Variants in TENM3 observed in about 807,000 individuals in gnomAD.
TENM3 encodes the protein teneurin-3.
Under a neutral mutation model 255.1 loss-of-function variants are expected in TENM3, and 63 were observed. The ratio of observed to expected loss-of-function variants is 0.25; its 90% confidence interval spans 0.20 to 0.30. The LOEUF (loss-of-function observed/expected upper bound fraction) is 0.30. Among genes scored for constraint, TENM3 ranks in the 10% least tolerant of loss-of-function variants. The pLI is 1.00. For missense variants in TENM3, 2,929 were observed against 3,461.1 expected, an observed-to-expected ratio of 0.85 and a Z score of 3.86; for synonymous variants, 1,306 against 1,322.3, an observed-to-expected ratio of 0.99 and a Z score of 0.27.
intron 1 of TENM3, among the ~76,000 whole-genome samples, chr4:182,199,893 G>T (rs1277195387): frequency 6.6e-6 from 1 of 151,738 alleles, no homozygotes; most frequent in Non-Finnish European, 1.5e-5. Context: ...CACCTGGCTA[G>T]TATTTGTACT....
chr4:182,359,677 G>T (rs1026831720), intron 3 of TENM3, among the ~76,000 whole-genome samples: 4 of 146,504 alleles, frequency 2.7e-5, no homozygotes, highest in African/African-American at 9.9e-5. Context: ...CCAGCTCCTG[G>T]ATTCATTAAT....
chr4:182,386,652 G>A (rs910249894), intron 3 of TENM3, among the ~76,000 whole-genome samples: 1 of 152,240 alleles, frequency 6.6e-6, no homozygotes, highest in East Asian at 1.9e-4. Flanking sequence ...CCCCGCACTC[G>A]GAGCTGCCGG....
intron 3 of TENM3, among the ~76,000 whole-genome samples, chr4:182,397,398 T>TAAAAA (rs144177808): frequency 0.024 from 1,182 of 48,940 alleles, 71 homozygotes; most frequent in East Asian, 0.079. Flanking sequence ...AGACTCCATC[T>TAAAAA]AAAAAAAAAA....
At chr4:182,310,811 A>G (rs958441489) in intron 1 of TENM3, among the ~76,000 whole-genome samples, 9 of 151,970 alleles carry the variant, frequency 5.9e-5, no homozygotes, top group African/African-American at 2.2e-4. Flanking sequence ...GGTTCAAGCG[A>G]TTCTCCTGCC....
At chr4:182,535,375 C>T (rs1740200038) in intron 3 of TENM3, among the ~76,000 whole-genome samples, 1 of 152,128 alleles carries the variant, frequency 6.6e-6, no homozygotes, top group Non-Finnish European at 1.5e-5. Flanking sequence ...CTCATAGACT[C>T]TGAGGCAAGG....
intron 3 of TENM3, among the ~76,000 whole-genome samples, chr4:182,525,914 T>G (rs1739113806): frequency 6.6e-6 from 1 of 152,230 alleles, no homozygotes; most frequent in Admixed American, 6.5e-5. Flanking sequence ...ATTTAGATTA[T>G]TTTCTGCAGT....
chr4:182,391,529 C>T (rs960278866), intron 3 of TENM3, among the ~76,000 whole-genome samples: 9 of 152,206 alleles, frequency 5.9e-5, no homozygotes, highest in South Asian at 2.1e-4. Context: ...GAAATGAGGA[C>T]GCAGCCATGT....
At chr4:182,600,077 G>GA (rs1747679654) in intron 3 of TENM3, among the ~76,000 whole-genome samples, 1 of 152,198 alleles carries the variant, frequency 6.6e-6, no homozygotes, top group Non-Finnish European at 1.5e-5. Context: ...CAGTATTTAT[G>GA]TTTTGAAGTT....
At chr4:182,042,018 A>G in the TENM3 span, among the ~76,000 whole-genome samples, 1 of 152,194 alleles carries the variant, frequency 6.6e-6, no homozygotes, top group Admixed American at 6.6e-5. Flanking sequence ...TTGACTAGAG[A>G]GAATTTTCTA....
At chr4:182,605,908 A>C (rs1250911000) in intron 4 of TENM3, among the ~76,000 whole-genome samples, 2 of 152,240 alleles carry the variant, frequency 1.3e-5, no homozygotes, top group African/African-American at 4.8e-5. Flanking sequence ...CCAGGCAAAG[A>C]GGGACGTGTG....
chr4:182,481,031 AAT>A (rs1734145866), intron 3 of TENM3, among the ~76,000 whole-genome samples: 1 of 147,226 alleles, frequency 6.8e-6, no homozygotes, highest in African/African-American at 2.5e-5. Flanking sequence ...TTTCTTTTTT[AAT>A]ATAATCCTCT....
upstream of TENM3, among the ~76,000 whole-genome samples, chr4:182,139,137 C>A (rs1749214581): frequency 6.6e-6 from 1 of 152,172 alleles, no homozygotes; most frequent in African/African-American, 2.4e-5. Flanking sequence ...CCCCTACACT[C>A]CAAGAGTGCT....
chr4:182,417,644 C>CA (rs1770490264), intron 3 of TENM3, among the ~76,000 whole-genome samples: 1 of 152,074 alleles, frequency 6.6e-6, no homozygotes, highest in African/African-American at 2.4e-5. Context: ...AAAAAATTGT[C>CA]AGACTGGCAT....
the TENM3 span, among the ~76,000 whole-genome samples, chr4:181,917,453 GCT>G: frequency 6.6e-6 from 1 of 152,020 alleles, no homozygotes; most frequent in East Asian, 1.9e-4. Flanking sequence ...AAATGTAATT[GCT>G]CTTTTTCTCA....
chr4:182,356,572 C>G (rs1363877907), intron 3 of TENM3, among the ~76,000 whole-genome samples: 2 of 150,762 alleles, frequency 1.3e-5, no homozygotes, highest in African/African-American at 2.5e-5. Context: ...GGCAGAACAA[C>G]AAGAAGGTGG....
chr4:182,586,056 C>T (rs1745991974), intron 3 of TENM3, among the ~76,000 whole-genome samples: 1 of 152,250 alleles, frequency 6.6e-6, no homozygotes, highest in East Asian at 1.9e-4. Flanking sequence ...AAATGTGGGA[C>T]CATGTGGGGC....
At chr4:182,026,098 A>G in the TENM3 span, among the ~76,000 whole-genome samples, 7 of 152,292 alleles carry the variant, frequency 4.6e-5, no homozygotes, top group Admixed American at 2.0e-4. Context: ...TCCTTGTGAC[A>G]GTTTACTGAG....
chr4:182,395,761 CG>C (rs1768764301), intron 3 of TENM3, among the ~76,000 whole-genome samples: 1 of 152,146 alleles, frequency 6.6e-6, no homozygotes, highest in Non-Finnish European at 1.5e-5. Flanking sequence ...CCTGTTTGTG[CG>C]GAATTATTTT....
chr4:182,020,027 C>T, the TENM3 span, among the ~76,000 whole-genome samples: 5 of 151,906 alleles, frequency 3.3e-5, no homozygotes, highest in Non-Finnish European at 5.9e-5. Context: ...GCCAACAGAC[C>T]GAACTGCTTT....
Sources: allele counts gnomAD v4.1 joint callset (sites outside exome capture counted in the v4.1 genomes callset), GRCh38; gene constraint gnomAD v4.1.1; transcripts MANE v1.5; gene names NCBI Gene and HGNC (gene_info 2026-07-23, HGNC 2026-07-21).